The following RESF1 variants were observed in gnomAD, a reference collection of about 807,000 sequenced individuals.
RESF1 encodes retroelement silencing factor 1.
RESF1 carries 65 observed loss-of-function variants against 134.7 expected under a neutral mutation model. That is an observed-to-expected ratio of 0.48 (90% CI 0.40 to 0.59). RESF1 has a LOEUF of 0.59. RESF1 is among the 20% of genes least tolerant of loss of function. RESF1 has a pLI of 0.00. For synonymous variants in RESF1, 762 were observed against 702.2 expected (o/e 1.09, Z -1.35); for missense variants, 2,274 against 2,002.7 (o/e 1.14, Z -2.59).
intron 1 of RESF1, among the ~76,000 whole-genome samples, chr12:31,960,409 C>A (rs569245724): frequency 6.6e-6 from 1 of 152,226 alleles, no homozygotes. Context: ...TAGCTTTAAT[C>A]ATGTTTCAGT....
At chr12:31,963,073 T>C (rs1939315423) in intron 2 of RESF1, among the ~76,000 whole-genome samples, 1 of 150,996 alleles carries the variant, frequency 6.6e-6, no homozygotes, top group South Asian at 2.1e-4. Context: ...TCTTAGAAAA[T>C]AAAGTCCATG....
At chr12:31,986,744 G>T (rs1169747190) in intron 4 of RESF1, among the ~76,000 whole-genome samples, 1 of 152,122 alleles carries the variant, frequency 6.6e-6, no homozygotes, top group Non-Finnish European at 1.5e-5. Context: ...TAAAGGATTT[G>T]AATGGAAATT....
At chr12:31,980,533 T>C (rs1939757257) in intron 3 of RESF1, among the ~76,000 whole-genome samples, 1 of 152,252 alleles carries the variant, frequency 6.6e-6, no homozygotes, top group African/African-American at 2.4e-5. Flanking sequence ...TTTTTTTAAA[T>C]TCTCATTTTT....
Position 31,983,919 on chromosome 12 carries a change from A to C in RESF1, c.2964A>C (p.Thr988=), listed in dbSNP as rs1430420853. 1.2e-6 allele frequency: 2 copies of C among 1,613,870 alleles called. No individual in the cohort carries two copies. The highest frequency in any genetic ancestry group is 2.2e-5 in the South Asian group (2 of 91,032). Residue 988 remains threonine, a synonymous_variant, in exon 4 of 6, where the codon ACA becomes ACC. Transcript: ENST00000312561. ...PLESSFNNLE[T]NRVILEKSSL... is the part of the protein sequence containing the mutation. Reference sequence around the variant, plus strand: ...AGTCATCTTTTAACAATCTTGAAACAAACAGAGTTATTCTAGAGAAAAGTA... The same window carrying C: ...AGTCATCTTTTAACAATCTTGAAACCAACAGAGTTATTCTAGAGAAAAGTA...
chr12:31,974,712 T>G (rs759841765), intron 3 of RESF1, among the ~76,000 whole-genome samples: 12 of 152,170 alleles, frequency 7.9e-5, no homozygotes, highest in African/African-American at 2.6e-4. Context: ...TTCATGAGAC[T>G]CTCTCCTCCA....
rs1939908377 is a variant in RESF1 at position 31,984,515 on chromosome 12, AG to A, written c.3561del (p.Gln1187HisfsTer49). The A allele has an allele frequency of 6.2e-7, 1 of 1,604,208 alleles. No individual in the cohort carries two copies. The highest frequency in any genetic ancestry group is 1.7e-5 in the Admixed American group (1 of 58,588). ...TCCATGGTTTACGAAGGAGTACCCC[AG>A]TGTCAGTGTAATTCCATCAAGAACT... is the stretch of plus-strand genomic sequence containing the variant. ...WLSMVYEGVPQCQCNSIKNSS... is the reference protein window; with the variant it reads ...WLSMVYEGVPXCQCNSIKNSS... On this transcript the variant is annotated frameshift_variant, in exon 4 of 6. Coordinates refer to ENST00000312561, the MANE Select transcript of RESF1 (RefSeq NM_018169.4). LOFTEE classifies it high-confidence loss of function.
Position 31,992,524 on chromosome 12 carries a change from C to A in RESF1, c.5233C>A (p.Pro1745Thr). 1 of 1,612,846 alleles carries A rather than the reference C, an allele frequency of 6.2e-7. No individual in the cohort carries two copies. Among genetic ancestry groups the A allele is most frequent in the South Asian group, 1.1e-5 (1 of 90,694 alleles). Residue 1745 changes from proline to threonine, a missense_variant, in exon 6 of 6, where the codon CCT (proline) becomes ACT (threonine). Transcript: ENST00000312561. ...EKRSRSLGSS[P>T]VK is the part of the protein sequence containing the mutation. The stretch of plus-strand genomic sequence containing the variant: ...GAGAAGCAGAAGCCTTGGTAGCAGT[C>A]CTGTAAAATAATTACAAGATGTGGT...
intron 2 of RESF1, among the ~76,000 whole-genome samples, chr12:31,961,845 G>C (rs896074897): frequency 1.3e-5 from 2 of 152,192 alleles, no homozygotes; most frequent in Non-Finnish European, 2.9e-5. Context: ...GATTGTACAG[G>C]AATCTCTCTT....
intron 2 of RESF1, among the ~76,000 whole-genome samples, chr12:31,965,014 A>G (rs532454045): frequency 2.0e-5 from 3 of 152,178 alleles, no homozygotes; most frequent in African/African-American, 7.2e-5. Flanking sequence ...GTTGCCCAGA[A>G]TGGAGTGCGG....
rs780300497 is a variant in RESF1 at position 31,981,030 on chromosome 12, C to T, written c.75C>T (p.His25=). The T allele has an allele frequency of 1.5e-5, 24 of 1,613,402 alleles. No individual in the cohort carries two copies. The Admixed American group carries it at 3.7e-4, about 25-fold the overall frequency. Residue 25 remains histidine, a synonymous_variant, in exon 4 of 6, where the codon CAC becomes CAT. Transcript: ENST00000312561. ...LYPKSQPPFL[H]QSLINQITTT... Reference sequence around the variant, plus strand: ...CTAAAAGCCAGCCACCTTTTTTGCACCAGTCTTTAATAAACCAAATTACCA... The same window carrying T: ...CTAAAAGCCAGCCACCTTTTTTGCATCAGTCTTTAATAAACCAAATTACCA...
chr12:31,965,884 C>G (rs1040407866), intron 2 of RESF1, among the ~76,000 whole-genome samples: 1 of 110,034 alleles, frequency 9.1e-6, no homozygotes, highest in African/African-American at 3.7e-5. Flanking sequence ...AGCGAGACTT[C>G]GTCTCAAAAA....
chr12:31,976,976 T>C lies in RESF1; in HGVS notation c.-78-3902T>C, dbSNP rs899833111. Among the ~76,000 whole-genome samples, 4 of 152,192 alleles carry C rather than the reference T, an allele frequency of 2.6e-5. No individual in the cohort carries two copies. In the South Asian group the frequency reaches 8.3e-4, roughly 32 times the overall value. ...GTCTACATTTTTCTTTTTACGTAAT[T>C]CCCTATATAGGCTGGATATGATCTC... On this transcript the variant is annotated intron_variant, in intron 3 of 5. Transcript: ENST00000312561.
intron 3 of RESF1, among the ~76,000 whole-genome samples, chr12:31,976,942 T>A (rs533467102): frequency 3.5e-4 from 53 of 152,314 alleles, no homozygotes; most frequent in Admixed American, 2.0e-3. Flanking sequence ...GCTTATTTTT[T>A]ATTGAGTTGT....
chr12:31,986,872 T>TG (rs1939983958), intron 4 of RESF1, among the ~76,000 whole-genome samples: 1 of 152,184 alleles, frequency 6.6e-6, no homozygotes, highest in Non-Finnish European at 1.5e-5. Context: ...AAAAAATTGG[T>TG]GATTTCAATA....
intron 3 of RESF1, among the ~76,000 whole-genome samples, chr12:31,980,454 G>T (rs919594671): frequency 6.6e-6 from 1 of 152,178 alleles, no homozygotes; most frequent in African/African-American, 2.4e-5. Flanking sequence ...ACCTTGAATA[G>T]CCCTGGGGAG....
rs779667351 is a variant in RESF1 at position 31,981,308 on chromosome 12, T to C, written c.353T>C (p.Val118Ala). The C allele has an allele frequency of 6.2e-7, 1 of 1,614,112 alleles. No homozygotes were observed. The highest frequency in any genetic ancestry group is 2.2e-5 in the East Asian group (1 of 44,878). Residue 118 changes from valine (V) to alanine (A), a missense_variant, in exon 4 of 6, where the codon GTA becomes GCA. Physicochemically the swap from Val to Ala is moderately conservative, Grantham distance 64. Coordinates refer to ENST00000312561, the MANE Select transcript of RESF1 (RefSeq NM_018169.4). Reference sequence around the variant, plus strand: ...ATGTCTTCAGGAGTTACCCAAAACGTATGGTTGAACTCACCAATGAGGAAT... The same window carrying C: ...ATGTCTTCAGGAGTTACCCAAAACGCATGGTTGAACTCACCAATGAGGAAT... ...LQMSSGVTQN[V>A]WLNSPMRNPV...
At chr12:31,971,860 C>T (rs955471417) in intron 3 of RESF1, among the ~76,000 whole-genome samples, 2 of 152,138 alleles carry the variant, frequency 1.3e-5, no homozygotes, top group African/African-American at 4.8e-5. Flanking sequence ...AGCAGAATAA[C>T]TGAAACAGGG....
In RESF1 at chr12:31,983,010, A is replaced by G; in HGVS notation, c.2055A>G (p.Ser685=). The change falls in exon 4 of 6, where the codon TCA becomes TCG. Residue 685 remains serine, a synonymous_variant. Transcript: ENST00000312561. ...TTTCCCTGTGGAAAAAGCAACCTTCAGATACTGCAAAAGAAAAGGAGTGTG... is the reference window on the plus strand; with the variant it reads ...TTTCCCTGTGGAAAAAGCAACCTTCGGATACTGCAAAAGAAAAGGAGTGTG... ...TCLSLWKKQP[S]DTAKEKECDK... The G allele has an allele frequency of 6.2e-7, 1 of 1,614,128 alleles. No homozygotes were observed. Among genetic ancestry groups the G allele is most frequent in the Non-Finnish European group, 8.5e-7 (1 of 1,180,014 alleles).
chr12:31,979,148 C>T (rs950314401), intron 3 of RESF1, among the ~76,000 whole-genome samples: 1 of 152,156 alleles, frequency 6.6e-6, no homozygotes, highest in Non-Finnish European at 1.5e-5. Context: ...TCTCGATCTC[C>T]TGACCTCATG....
Sources: gnomAD v4.1 joint callset for allele counts (sites outside exome capture counted in the v4.1 genomes callset) on GRCh38, gnomAD v4.1.1 for gene constraint, MANE v1.5 for transcripts, NCBI Gene and HGNC (gene_info 2026-07-23, HGNC 2026-07-21) for gene names.